Variants in ROBO1 observed in about 807,000 individuals in gnomAD.
ROBO1 encodes roundabout guidance receptor 1, also known as roundabout homolog 1.
In ROBO1, 149 loss-of-function variants were observed where a neutral mutation model predicts 195.9. That is an observed-to-expected ratio of 0.76 (90% CI 0.67 to 0.87). The LOEUF (loss-of-function observed/expected upper bound fraction) is 0.87, where lower values mean the gene tolerates loss of function less well. ROBO1 is among the 40% of genes least tolerant of loss of function. The pLI, the probability that ROBO1 is intolerant of heterozygous loss-of-function variation, is 0.00. For missense variants in ROBO1, 1,933 were observed against 2,068.3 expected (o/e 0.93, Z 1.27); for synonymous variants, 816 against 733.2 (o/e 1.11, Z -1.82).
At chr3:78,785,979 A>G (rs1314109776) in intron 4 of ROBO1, among the ~76,000 whole-genome samples, 1 of 152,230 alleles carries the variant, frequency 6.6e-6, no homozygotes, top group African/African-American at 2.4e-5. Context: ...AGGTACCAAT[A>G]AAAACAGCTA....
chr3:79,084,497 C>T (rs1483789036), intron 3 of ROBO1, among the ~76,000 whole-genome samples: 2 of 151,794 alleles, frequency 1.3e-5, no homozygotes, highest in Non-Finnish European at 2.9e-5. Context: ...AACTCCATCT[C>T]AAAAAAAGAG....
intron 3 of ROBO1, among the ~76,000 whole-genome samples, chr3:78,997,002 G>A (rs963539911): frequency 6.6e-6 from 1 of 152,076 alleles, no homozygotes; most frequent in Non-Finnish European, 1.5e-5. Context: ...AGAACACCTG[G>A]CAATGTCTGG....
chr3:79,264,245 T>C (rs1165782129), intron 2 of ROBO1, among the ~76,000 whole-genome samples: 1 of 152,016 alleles, frequency 6.6e-6, no homozygotes, highest in East Asian at 1.9e-4. Context: ...TATTTCCCAG[T>C]ACAATTCCTT....
intron 3 of ROBO1, among the ~76,000 whole-genome samples, chr3:79,108,579 T>C (rs2079827677): frequency 6.6e-6 from 1 of 151,748 alleles, no homozygotes; most frequent in South Asian, 2.1e-4. Context: ...ATCACTACTG[T>C]TAGTAGAAAT....
At chr3:78,902,357 ATTTC>A (rs2107479649) in intron 4 of ROBO1, among the ~76,000 whole-genome samples, 1 of 152,264 alleles carries the variant, frequency 6.6e-6, no homozygotes, top group Non-Finnish European at 1.5e-5. Flanking sequence ...TTGAGATTAA[ATTTC>A]TTTCTTGACT....
intron 1 of ROBO1, among the ~76,000 whole-genome samples, chr3:79,681,707 G>T (rs972545957): frequency 6.6e-5 from 10 of 151,918 alleles, no homozygotes; most frequent in Non-Finnish European, 8.8e-5. Context: ...GAATCCTGGA[G>T]ATTTGGTAGG....
intron 4 of ROBO1, among the ~76,000 whole-genome samples, chr3:78,808,451 C>A (rs1217434650): frequency 1.3e-5 from 2 of 152,162 alleles, no homozygotes; most frequent in Non-Finnish European, 2.9e-5. Context: ...GATCCACCCA[C>A]CTTGGCCTTG....
At chr3:79,188,180 G>C (rs1305678488) in intron 2 of ROBO1, among the ~76,000 whole-genome samples, 1 of 151,816 alleles carries the variant, frequency 6.6e-6, no homozygotes, top group East Asian at 1.9e-4. Flanking sequence ...ATTGTGTTTG[G>C]CTTCGTAGAG....
rs1224779869 is a variant in ROBO1, at chr3:79,133,436, A to G, written c.89-7897T>C. On this transcript the variant is annotated intron_variant, in intron 2 of 30. Transcript: ENST00000464233. Reference sequence around the variant, plus strand: ...CTTCTCGCTTCATTTCATTCATTTCATCTTCCATTGCTGATACCCTTTCTT... The same window carrying G: ...CTTCTCGCTTCATTTCATTCATTTCGTCTTCCATTGCTGATACCCTTTCTT... 2.4e-4 allele frequency among the ~76,000 whole-genome samples: 30 copies of G among 123,364 alleles called. No homozygotes were observed. The East Asian group carries it at 4.7e-3, about 19-fold the overall frequency. 80.9% of individuals were successfully genotyped at this position (123,364 alleles called of 152,430 possible).
intron 4 of ROBO1, among the ~76,000 whole-genome samples, chr3:78,911,102 T>C (rs1259593321): frequency 1.3e-5 from 2 of 152,030 alleles, no homozygotes; most frequent in African/African-American, 4.8e-5. Context: ...TCATTGAGTT[T>C]GTCACAGCAC....
intron 1 of ROBO1, among the ~76,000 whole-genome samples, chr3:79,606,764 T>TTTA (rs1183446862): frequency 2.0e-5 from 3 of 151,534 alleles, no homozygotes; most frequent in Non-Finnish European, 4.4e-5. Context: ...GTTTATTCAT[T>TTTA]TTATTATTAT....
intron 3 of ROBO1, among the ~76,000 whole-genome samples, chr3:79,000,254 A>C (rs2077468320): frequency 6.6e-6 from 1 of 152,090 alleles, no homozygotes; most frequent in African/African-American, 2.4e-5. Flanking sequence ...AAACCATCAG[A>C]TCTCTTTGAT....
intron 3 of ROBO1, among the ~76,000 whole-genome samples, chr3:79,082,559 T>C (rs1051677955): frequency 8.5e-5 from 13 of 152,148 alleles, no homozygotes; most frequent in African/African-American, 2.2e-4. Context: ...TGAAGTGAGA[T>C]AGAAGAGACC....
chr3:79,225,479 C>A (rs952091394), intron 2 of ROBO1, among the ~76,000 whole-genome samples: 1 of 152,184 alleles, frequency 6.6e-6, no homozygotes, highest in African/African-American at 2.4e-5. Context: ...AACCAGTATT[C>A]CTGAATGAGC....
At chr3:79,515,942 A>G (rs935634209) in intron 2 of ROBO1, among the ~76,000 whole-genome samples, 4 of 152,198 alleles carry the variant, frequency 2.6e-5, no homozygotes, top group African/African-American at 4.8e-5. Flanking sequence ...AATAAAATAT[A>G]CTGGGTCATA....
At chr3:79,628,610 T>TAAGAAAA (rs1945252737) in intron 1 of ROBO1, among the ~76,000 whole-genome samples, 1 of 151,852 alleles carries the variant, frequency 6.6e-6, no homozygotes, top group African/African-American at 2.4e-5. Flanking sequence ...TTAGAAGAAA[T>TAAGAAAA]AAGAAAAATA....
chr3:79,290,638 CTTTT>C (rs531359561), intron 2 of ROBO1, among the ~76,000 whole-genome samples: 10 of 152,210 alleles, frequency 6.6e-5, no homozygotes, highest in African/African-American at 2.2e-4. Flanking sequence ...ACACATCTTT[CTTTT>C]ATCATTTACT....
At chr3:79,050,436 C>T (rs1475613015) in intron 3 of ROBO1, among the ~76,000 whole-genome samples, 1 of 152,142 alleles carries the variant, frequency 6.6e-6, no homozygotes, top group Non-Finnish European at 1.5e-5. Flanking sequence ...TAGACTCCCA[C>T]ACAATAATAG....
At chr3:79,723,958 ATAAG>A (rs1176735612) in intron 1 of ROBO1, among the ~76,000 whole-genome samples, 5 of 152,242 alleles carry the variant, frequency 3.3e-5, no homozygotes, top group Non-Finnish European at 5.9e-5. Context: ...TTAGAAATAA[ATAAG>A]TGTTTTTATA....
Sources: gnomAD v4.1 joint callset for allele counts (sites outside exome capture counted in the v4.1 genomes callset) on GRCh38, gnomAD v4.1.1 for gene constraint, MANE v1.5 for transcripts, NCBI Gene and HGNC (gene_info 2026-07-23, HGNC 2026-07-21) for gene names.